Variants in KCNQ3 observed in about 807,000 individuals in gnomAD.
The protein encoded by KCNQ3 is potassium voltage-gated channel subfamily Q member 3, also known as potassium voltage-gated channel subfamily KQT member 3.
A neutral mutation model predicts 92.5 loss-of-function variants in KCNQ3; 30 were observed. The ratio of observed to expected loss-of-function variants is 0.32; its 90% confidence interval spans 0.24 to 0.44. The LOEUF (loss-of-function observed/expected upper bound fraction) is 0.44, where lower values mean the gene tolerates loss of function less well. Among genes scored for constraint, KCNQ3 ranks in the 20% least tolerant of loss-of-function variants. The pLI is 1.00. For missense variants in KCNQ3, 913 were observed against 1,140.3 expected, an observed-to-expected ratio of 0.80 and a Z score of 2.87; for synonymous variants, 450 against 468.8, an observed-to-expected ratio of 0.96 and a Z score of 0.52.
chr8:132,255,113 C>A (rs1264519629), intron 1 of KCNQ3, among the ~76,000 whole-genome samples: 1 of 151,622 alleles, frequency 6.6e-6, no homozygotes, highest in African/African-American at 2.4e-5. Context: ...AATGCCCCCT[C>A]CCCCCCACCT....
intron 1 of KCNQ3, among the ~76,000 whole-genome samples, chr8:132,269,850 A>G (rs1475192334): frequency 1.3e-5 from 2 of 152,204 alleles, no homozygotes; most frequent in Admixed American, 6.5e-5. Flanking sequence ...GAGCTGGTAG[A>G]GGGCAGGGGC....
chr8:132,150,531 G>A (rs1825602891), intron 9 of KCNQ3, among the ~76,000 whole-genome samples: 1 of 152,150 alleles, frequency 6.6e-6, no homozygotes, highest in African/African-American at 2.4e-5. Flanking sequence ...CTTAAGGAGT[G>A]CTCACCTTAA....
At chr8:132,451,319 T>C (rs1821816395) in intron 1 of KCNQ3, among the ~76,000 whole-genome samples, 1 of 152,238 alleles carries the variant, frequency 6.6e-6, no homozygotes, top group Non-Finnish European at 1.5e-5. Context: ...TTTTCCTTTA[T>C]AAATTACCCA....
In KCNQ3 at chr8:132,128,027, T is replaced by C. The variant is rs746617170; in HGVS notation, c.*1235A>G. The C allele has an allele frequency of 3.3e-5, 5 of 152,244 alleles. No individual in the cohort carries two copies. In the South Asian group the frequency reaches 8.3e-4, roughly 25 times the overall value. The allele number at this position is 152,244 out of a possible 1,614,324, so 9.4% of individuals were successfully genotyped here. On this transcript the variant is annotated 3_prime_UTR_variant, in exon 15 of 15. Transcript: ENST00000388996. ...GCATTATTTTTTTCTAGATCTGAAA[T>C]GCATTGCATCAAGCAAGCATGTTTT...
At chr8:132,456,620 T>A (rs936907808) in intron 1 of KCNQ3, among the ~76,000 whole-genome samples, 47 of 152,148 alleles carry the variant, frequency 3.1e-4, no homozygotes, top group Non-Finnish European at 4.6e-4. Flanking sequence ...TTATTTATTT[T>A]TTTTTGAGAT....
intron 1 of KCNQ3, among the ~76,000 whole-genome samples, chr8:132,260,773 T>C (rs1253400504): frequency 6.6e-6 from 1 of 151,994 alleles, no homozygotes; most frequent in Non-Finnish European, 1.5e-5. Context: ...CATCCATCCA[T>C]CCATTATCCA....
At chr8:132,313,563 A>G (rs1312441925) in intron 1 of KCNQ3, among the ~76,000 whole-genome samples, 2 of 152,240 alleles carry the variant, frequency 1.3e-5, no homozygotes, top group African/African-American at 4.8e-5. Context: ...ACATTTGATC[A>G]AAGTCATTAT....
At chr8:132,291,762 T>C (rs950189990) in intron 1 of KCNQ3, among the ~76,000 whole-genome samples, 4 of 152,202 alleles carry the variant, frequency 2.6e-5, no homozygotes, top group African/African-American at 9.6e-5. Flanking sequence ...TCCATTCATT[T>C]ATGCCATCTA....
intron 1 of KCNQ3, among the ~76,000 whole-genome samples, chr8:132,218,367 A>G (rs1226465675): frequency 6.6e-6 from 1 of 152,246 alleles, no homozygotes; most frequent in Admixed American, 6.5e-5. Context: ...CATCTGGCAC[A>G]TGTGGGCACA....
chr8:132,169,628 C>T (rs1187301539), intron 8 of KCNQ3, among the ~76,000 whole-genome samples: 1 of 152,096 alleles, frequency 6.6e-6, no homozygotes, highest in Admixed American at 6.5e-5. Flanking sequence ...TTCAGGGTGG[C>T]TCATTGTGTG....
intron 1 of KCNQ3, among the ~76,000 whole-genome samples, chr8:132,243,277 G>T (rs1455567392): frequency 1.3e-5 from 2 of 152,180 alleles, no homozygotes; most frequent in African/African-American, 2.4e-5. Flanking sequence ...GTCAGGATTT[G>T]GATTCCCACA....
intron 13 of KCNQ3, among the ~76,000 whole-genome samples, chr8:132,133,040 A>G (rs904005701): frequency 6.6e-6 from 1 of 152,198 alleles, no homozygotes; most frequent in Non-Finnish European, 1.5e-5. Flanking sequence ...CTGGTGGTCC[A>G]TGTGCTAAAT....
chr8:132,279,010 G>A (rs529913438), intron 1 of KCNQ3, among the ~76,000 whole-genome samples: 26 of 152,178 alleles, frequency 1.7e-4, no homozygotes, highest in African/African-American at 6.0e-4. Flanking sequence ...GAGGTCAGGA[G>A]TTCAAGACCA....
At chr8:132,143,956 G>A (rs1342670305) in intron 9 of KCNQ3, among the ~76,000 whole-genome samples, 1 of 152,140 alleles carries the variant, frequency 6.6e-6, no homozygotes, top group Non-Finnish European at 1.5e-5. Context: ...AGTATATGAG[G>A]AGCTTAATTC....
At chr8:132,327,993 C>A (rs1163884554) in intron 1 of KCNQ3, among the ~76,000 whole-genome samples, 1 of 152,090 alleles carries the variant, frequency 6.6e-6, no homozygotes, top group Non-Finnish European at 1.5e-5. Context: ...ATCCCACAAC[C>A]ACTATGTCCC....
intron 1 of KCNQ3, among the ~76,000 whole-genome samples, chr8:132,266,848 T>C (rs1217801581): frequency 1.3e-5 from 2 of 152,184 alleles, no homozygotes; most frequent in Non-Finnish European, 2.9e-5. Context: ...TTCTAGGGCA[T>C]GGCAGAGCCA....
intron 1 of KCNQ3, among the ~76,000 whole-genome samples, chr8:132,228,605 C>T (rs1055114843): frequency 6.6e-5 from 10 of 152,052 alleles, no homozygotes; most frequent in African/African-American, 2.4e-4. Flanking sequence ...ATTTTTATTG[C>T]TATCTGATAT....
chr8:132,204,642 T>C (rs961768336), intron 1 of KCNQ3, among the ~76,000 whole-genome samples: 5 of 152,238 alleles, frequency 3.3e-5, no homozygotes, highest in Admixed American at 2.0e-4. Flanking sequence ...ACTTGATTTA[T>C]TAGAAAGTGA....
intron 1 of KCNQ3, among the ~76,000 whole-genome samples, chr8:132,284,948 G>A (rs1199311402): frequency 6.6e-6 from 1 of 152,160 alleles, no homozygotes; most frequent in African/African-American, 2.4e-5. Flanking sequence ...TTTCTGCCTT[G>A]CTATTAAGTA....
Sources: allele counts gnomAD v4.1 joint callset (sites outside exome capture counted in the v4.1 genomes callset), GRCh38; gene constraint gnomAD v4.1.1; transcripts MANE v1.5; gene names NCBI Gene and HGNC (gene_info 2026-07-23, HGNC 2026-07-21).